The following HAS2 variants were observed in gnomAD, a reference collection of about 807,000 sequenced individuals.
HAS2 encodes hyaluronan synthase 2, also known as HA synthase 2.
A neutral mutation model predicts 51.6 loss-of-function variants in HAS2; 16 were observed. The observed-to-expected ratio is 0.31, with a 90% confidence interval of 0.21 to 0.47. The LOEUF (loss-of-function observed/expected upper bound fraction) is 0.47, where lower values mean the gene tolerates loss of function less well. HAS2 is among the 20% of genes least tolerant of loss of function. The pLI is 1.00. For missense variants in HAS2, 361 were observed against 662.6 expected (o/e 0.54, Z 5.00); for synonymous variants, 228 against 235.5 (o/e 0.97, Z 0.29).
At chr8:121,617,971 T>G (rs1812727473) in intron 2 of HAS2, among the ~76,000 whole-genome samples, 1 of 151,720 alleles carries the variant, frequency 6.6e-6, no homozygotes, top group Admixed American at 6.6e-5. Context: ...AAATGCCCAT[T>G]GTTGTTTTTA....
At chr8:121,625,876 T>C (rs1272657818) in intron 2 of HAS2, among the ~76,000 whole-genome samples, 3 of 152,098 alleles carry the variant, frequency 2.0e-5, no homozygotes, top group African/African-American at 7.2e-5. Context: ...CTATCTTCTT[T>C]ATCTCTGAAA....
At chr8:121,621,995 C>T (rs993559179) in intron 2 of HAS2, among the ~76,000 whole-genome samples, 1 of 152,048 alleles carries the variant, frequency 6.6e-6, no homozygotes, top group Non-Finnish European at 1.5e-5. Context: ...AAGGCTTCAC[C>T]TTTTTCCTGC....
intron 2 of HAS2, among the ~76,000 whole-genome samples, chr8:121,624,898 A>G (rs1189445671): frequency 6.6e-6 from 1 of 152,104 alleles, no homozygotes; most frequent in Non-Finnish European, 1.5e-5. Context: ...GGTCGAGACC[A>G]TCCTGGCTAA....
At chr8:121,622,686 CA>C (rs201376901) in intron 2 of HAS2, among the ~76,000 whole-genome samples, 42,217 of 132,096 alleles carry the variant, frequency 0.32, 5,887 homozygotes, top group Middle Eastern at 0.41. Context: ...CTCATACAAC[CA>C]AAAAAAAAAA....
At chr8:121,630,609 C>G (rs1169627500) in intron 1 of HAS2, among the ~76,000 whole-genome samples, 1 of 152,040 alleles carries the variant, frequency 6.6e-6, no homozygotes, top group Non-Finnish European at 1.5e-5. Context: ...CATTTTTGGG[C>G]TTTTCTCATA....
chr8:121,615,079 A>G, intron 3 of HAS2, 41 bp from the exon 4 acceptor site: 2 of 1,442,906 alleles, frequency 1.4e-6, no homozygotes, highest in African/African-American at 1.4e-5. Flanking sequence ...AGCTTTAGCT[A>G]AAAATTCCAG....
At position 121,614,287 on chromosome 8, in the gene HAS2, A is replaced by C; in HGVS notation, c.1481T>G (p.Phe494Cys). The change falls in exon 4 of 4, where the codon TTC (phenylalanine) becomes TGC (cysteine). Residue 494 changes from phenylalanine (F) to cysteine (C), a missense_variant. Physicochemically the swap from Phe to Cys is radical, Grantham distance 205. This residue lies in a region of HAS2 where 61 missense variants were observed against 73.1 expected (regional missense o/e 0.84). Coordinates refer to ENST00000303924, the MANE Select transcript of HAS2 (RefSeq NM_005328.3). The surrounding 1 kb of genome is among the most constrained non-coding windows in gnomAD (Gnocchi z 7.2). ...CCTTTTAGACTCCTTATAAATGGTG[A>C]AAATCACACCACCCAGGAGGATTGT... ...WFTILLGGVI[F>C]TIYKESKRPF... The C allele has an allele frequency of 6.2e-7, 1 of 1,614,112 alleles. No homozygotes were observed. Among genetic ancestry groups the C allele is most frequent in the Non-Finnish European group, 8.5e-7 (1 of 1,179,966 alleles).
At chr8:121,618,370 C>CA (rs1219262796) in intron 2 of HAS2, among the ~76,000 whole-genome samples, 1 of 152,098 alleles carries the variant, frequency 6.6e-6, no homozygotes, top group African/African-American at 2.4e-5. Context: ...TCAAAAGGTA[C>CA]AGCTGATACC....
chr8:121,625,954 A>G (rs992901788), intron 2 of HAS2, among the ~76,000 whole-genome samples: 1 of 151,946 alleles, frequency 6.6e-6, no homozygotes, highest in Non-Finnish European at 1.5e-5. Context: ...TGACTCCCTT[A>G]CTGTTCTATG....
In HAS2 at chr8:121,630,956, A is replaced by G. The variant is rs1311767672; in HGVS notation, c.1-1616T>C. Among the ~76,000 whole-genome samples the G allele has an allele frequency of 3.3e-5, 5 of 152,232 alleles. No homozygotes were observed. In the East Asian group the frequency reaches 9.7e-4, roughly 29 times the overall value. On this transcript the variant is annotated intron_variant, in intron 1 of 3. Coordinates refer to ENST00000303924, the MANE Select transcript of HAS2 (RefSeq NM_005328.3). ...GAAACCTTAGTGTGGCTTCTTACCA[A>G]TTGTGTTACCTTTCCTTCCTGAGCA...
intron 2 of HAS2, among the ~76,000 whole-genome samples, chr8:121,620,387 T>A (rs1272020068): frequency 6.6e-6 from 1 of 152,164 alleles, no homozygotes; most frequent in East Asian, 1.9e-4. Flanking sequence ...TAGCCCTGGA[T>A]TACAATCTGT....
At chr8:121,629,898 C>T (rs1340502053) in intron 1 of HAS2, among the ~76,000 whole-genome samples, 1 of 152,146 alleles carries the variant, frequency 6.6e-6, no homozygotes, top group African/African-American at 2.4e-5. Flanking sequence ...GGTTCTAGTA[C>T]TAGCTCATTA....
chr8:121,632,764 T>C (rs201810587), intron 1 of HAS2, among the ~76,000 whole-genome samples: 47 of 99,584 alleles, frequency 4.7e-4, no homozygotes, highest in Middle Eastern at 6.8e-3. Context: ...TCATCATCAT[T>C]ATTATAATGG....
intron 1 of HAS2, among the ~76,000 whole-genome samples, chr8:121,634,372 G>A (rs927285790): frequency 6.6e-6 from 1 of 151,824 alleles, no homozygotes. Flanking sequence ...CTTCTGGGAG[G>A]CCTTAGCTTA....
At position 121,641,182 on chromosome 8, in the gene HAS2, G is replaced by GTTT. The variant is rs1240320617; in HGVS notation, c.-331_-330insAAA. On this transcript the variant is annotated 5_prime_UTR_variant, in exon 1 of 4. Coordinates refer to ENST00000303924, the MANE Select transcript of HAS2 (RefSeq NM_005328.3). ...TCTTTTTTTTTTTTTTTTTTTTTTG[G>GTTT]GCTTCAGTCTTTCTGCCCCCGATAA... 2.5e-4 allele frequency: 12 copies of GTTT among 48,840 alleles called. No homozygotes were observed. Among genetic ancestry groups the GTTT allele is most frequent in the Non-Finnish European group, 3.2e-4 (9 of 28,516 alleles). The allele number at this position is 48,840 out of a possible 1,614,324, so 3.0% of individuals were successfully genotyped here.
In HAS2 at chr8:121,629,108, G is replaced by A; in HGVS notation, c.233C>T (p.Pro78Leu). The A allele has an allele frequency of 6.2e-7, 1 of 1,614,062 alleles. No homozygotes were observed. Among genetic ancestry groups the A allele is most frequent in the Non-Finnish European group, 8.5e-7 (1 of 1,179,982 alleles). ...GGCAACTGTTTTGTTCAACTTTATG[G>A]GGGTTTCTAGGGATTTTTTCATTTT... is the stretch of plus-strand genomic sequence containing the variant. ...HRKMKKSLET[P>L]IKLNKTVALC... The change falls in exon 2 of 4, where the codon CCC (proline) becomes CTC (leucine). Residue 78 changes from proline (P) to leucine (L), a missense_variant. This residue lies in a region of HAS2 where 145 missense variants were observed against 217.6 expected (regional missense o/e 0.67). Transcript: ENST00000303924.
At chr8:121,620,504 C>A (rs28561861) in intron 2 of HAS2, among the ~76,000 whole-genome samples, 1 of 152,176 alleles carries the variant, frequency 6.6e-6, no homozygotes, top group Admixed American at 6.5e-5. Flanking sequence ...TTTTTGGCCA[C>A]ACTAAGTGTA....
intron 2 of HAS2, among the ~76,000 whole-genome samples, chr8:121,624,374 G>A (rs1812813861): frequency 6.6e-6 from 1 of 152,234 alleles, no homozygotes; most frequent in South Asian, 2.1e-4. Flanking sequence ...TCTGACCTCA[G>A]CTGGAACATG....
intron 1 of HAS2, chr8:121,639,494 G>C (rs1813059926): frequency 6.5e-6 from 1 of 152,712 alleles, no homozygotes; most frequent in South Asian, 2.1e-4. Flanking sequence ...TTGAGTCCAA[G>C]TATTCAGCGC....
Sources: allele counts gnomAD v4.1 joint callset (sites outside exome capture counted in the v4.1 genomes callset), GRCh38; gene constraint gnomAD v4.1.1; regional missense constraint gnomAD v4.1.1; non-coding constraint Gnocchi (gnomAD v3.1); transcripts MANE v1.5; gene names NCBI Gene and HGNC (gene_info 2026-07-23, HGNC 2026-07-21).